Variants in MLLT10 observed in about 807,000 individuals in gnomAD.
The protein encoded by MLLT10 is protein AF-10.
A neutral mutation model predicts 129.1 loss-of-function variants in MLLT10; 30 were observed. That is an observed-to-expected ratio of 0.23 (90% confidence interval 0.17 to 0.32). MLLT10 has a LOEUF of 0.32. Among genes scored for constraint, MLLT10 ranks in the 10% least tolerant of loss-of-function variants. MLLT10 has a pLI of 1.00. For missense variants in MLLT10, 1,119 were observed against 1,268.3 expected, an observed-to-expected ratio of 0.88 and a Z score of 1.79; for synonymous variants, 490 against 446.4, an observed-to-expected ratio of 1.10 and a Z score of -1.23.
At chr10:21,535,127 CG>C (rs2033675034) in intron 2 of MLLT10, among the ~76,000 whole-genome samples, 1 of 74,166 alleles carries the variant, frequency 1.3e-5, no homozygotes, top group East Asian at 9.6e-4. Flanking sequence ...GGGGTGGGGG[CG>C]GGGGCGGGGG....
At chr10:21,678,269 TA>T (rs2052391563) in intron 11 of MLLT10, among the ~76,000 whole-genome samples, 3 of 152,050 alleles carry the variant, frequency 2.0e-5, no homozygotes. Context: ...CACACTCAGC[TA>T]ATTTTTGTAT....
At chr10:21,668,986 T>A in intron 9 of MLLT10, 5 of 1,368,422 alleles carry the variant, frequency 3.7e-6, no homozygotes, top group Non-Finnish European at 4.8e-6. Flanking sequence ...GAAAAAGTAT[T>A]TGAAAAATGA....
Position 21,673,337 on chromosome 10 carries a change from TTTTA to T in MLLT10, c.1052-12_1052-9del. ...CCCCAACTTTTTTTTTTTTTTTTTT[TTTTA>T]AACTACAGGCAGTTTTTCAGGAACT... is the stretch of plus-strand genomic sequence containing the variant. On this transcript the variant is annotated splice_polypyrimidine_tract_variant and intron_variant, in intron 10 of 22. Coordinates refer to ENST00000307729, the MANE Select transcript of MLLT10 (RefSeq NM_001195626.3). 9.5e-7 allele frequency: 1 copy of T among 1,053,592 alleles called. No individual in the cohort carries two copies. 65.3% of individuals were successfully genotyped at this position (1,053,592 alleles called of 1,614,324 possible). A position where few individuals can be genotyped will look rare whatever the true frequency, so the allele number is the denominator to read the frequency against.
In MLLT10 at chr10:21,624,641, T is replaced by C. The variant is rs1564529514; in HGVS notation, c.699+7434T>C. On this transcript the variant is annotated intron_variant, in intron 8 of 22. Transcript: ENST00000307729. Reference sequence around the variant, plus strand: ...CTGATAAAATTCCTGGTTGTCATTATTGTAACCATAGTTACCAGAATAGTC... The same window carrying C: ...CTGATAAAATTCCTGGTTGTCATTACTGTAACCATAGTTACCAGAATAGTC... 5.4e-6 allele frequency: 8 copies of C among 1,468,406 alleles called. No individual in the cohort carries two copies. In the East Asian group the frequency reaches 1.4e-4, roughly 26 times the overall value. The allele number at this position is 1,468,406 out of a possible 1,614,324, so 91.0% of individuals were successfully genotyped here. A position where few individuals can be genotyped will look rare whatever the true frequency, so the allele number is the denominator to read the frequency against.
intron 9 of MLLT10, among the ~76,000 whole-genome samples, chr10:21,655,249 A>T (rs2049448515): frequency 6.6e-6 from 1 of 152,202 alleles, no homozygotes; most frequent in South Asian, 2.1e-4. Flanking sequence ...TAAGAAGTAA[A>T]ATAACAGTAG....
intron 8 of MLLT10, among the ~76,000 whole-genome samples, chr10:21,622,397 C>T (rs983195956): frequency 6.6e-6 from 1 of 151,028 alleles, no homozygotes; most frequent in Non-Finnish European, 1.5e-5. Context: ...CTAACACCTG[C>T]GTAGAAGCAA....
chr10:21,635,284 C>T lies in MLLT10; in HGVS notation c.700-16389C>T, dbSNP rs536412360. Among the ~76,000 whole-genome samples the T allele has an allele frequency of 2.0e-5, 3 of 152,158 alleles. No homozygotes were observed. In the South Asian group the frequency reaches 6.2e-4, roughly 31 times the overall value. On this transcript the variant is annotated intron_variant, in intron 8 of 22. Transcript: ENST00000307729. Reference sequence around the variant, plus strand: ...GGCCTTGTAACTCTTTTCCTTACCTCCTTGTATTTTGGGGTTGATGGTGAT... The same window carrying T: ...GGCCTTGTAACTCTTTTCCTTACCTTCTTGTATTTTGGGGTTGATGGTGAT...
At chr10:21,595,263 A>C in intron 4 of MLLT10, 68 bp from the exon 5 acceptor site, 2 of 1,158,240 alleles carry the variant, frequency 1.7e-6, no homozygotes, top group African/African-American at 1.5e-5. Context: ...GGATCTGTTA[A>C]GGAAGTTAAC....
chr10:21,698,691 A>G (rs746896376), intron 13 of MLLT10, among the ~76,000 whole-genome samples: 7 of 152,198 alleles, frequency 4.6e-5, no homozygotes, highest in Admixed American at 2.0e-4. Flanking sequence ...ATTCCTACCA[A>G]TAGTGTATAA....
intron 17 of MLLT10, among the ~76,000 whole-genome samples, chr10:21,731,645 A>G (rs1346042547): frequency 6.6e-6 from 1 of 152,194 alleles, no homozygotes; most frequent in Non-Finnish European, 1.5e-5. Flanking sequence ...TAATTATTGA[A>G]TTAAATCTAT....
intron 9 of MLLT10, among the ~76,000 whole-genome samples, chr10:21,661,176 A>G (rs770655452): frequency 5.9e-5 from 9 of 152,132 alleles, no homozygotes; most frequent in Admixed American, 2.0e-4. Context: ...TATGATTTCT[A>G]TTCTTTAAAA....
chr10:21,680,905 G>A (rs937847902), intron 11 of MLLT10, among the ~76,000 whole-genome samples: 18 of 151,504 alleles, frequency 1.2e-4, no homozygotes, highest in African/African-American at 3.6e-4. Flanking sequence ...CCAGTGAGCC[G>A]AGCTTGCGCC....
chr10:21,694,933 A>T (rs1340667007), intron 13 of MLLT10, among the ~76,000 whole-genome samples: 3 of 152,068 alleles, frequency 2.0e-5, no homozygotes, highest in African/African-American at 7.2e-5. Context: ...GACCTTGCAC[A>T]TGCCCCTGCG....
chr10:21,648,614 T>C (rs576075782), intron 8 of MLLT10, among the ~76,000 whole-genome samples: 5 of 152,340 alleles, frequency 3.3e-5, no homozygotes, highest in African/African-American at 1.2e-4. Flanking sequence ...AACATTGATA[T>C]AACACTTAAA....
chr10:21,583,938 C>T (rs754711232), intron 3 of MLLT10, among the ~76,000 whole-genome samples: 54 of 151,806 alleles, frequency 3.6e-4, no homozygotes, highest in African/African-American at 6.3e-4. Flanking sequence ...GACGCGATCT[C>T]GGCTCACTGC....
At chr10:21,674,478 T>G (rs2051858801) in intron 11 of MLLT10, among the ~76,000 whole-genome samples, 1 of 152,206 alleles carries the variant, frequency 6.6e-6, no homozygotes, top group South Asian at 2.1e-4. Context: ...TGAAATGATT[T>G]AATTGTGTTT....
chr10:21,657,171 C>A (rs2049675023), intron 9 of MLLT10, among the ~76,000 whole-genome samples: 1 of 152,036 alleles, frequency 6.6e-6, no homozygotes, highest in Non-Finnish European at 1.5e-5. Context: ...GTGGGTGGAT[C>A]ATTTGAGGCC....
At chr10:21,556,734 GAT>G in intron 3 of MLLT10, 1 of 1,611,536 alleles carries the variant, frequency 6.2e-7, no homozygotes, top group Non-Finnish European at 8.5e-7. Context: ...CCCCACCCCC[GAT>G]GCCTGGTGTC....
At chr10:21,624,138 C>A (rs576431303) in intron 8 of MLLT10, among the ~76,000 whole-genome samples, 1 of 152,264 alleles carries the variant, frequency 6.6e-6, no homozygotes, top group African/African-American at 2.4e-5. Flanking sequence ...AGGTTATTTT[C>A]AGTATAAGAA....
Sources: allele counts gnomAD v4.1 joint callset (sites outside exome capture counted in the v4.1 genomes callset), GRCh38; gene constraint gnomAD v4.1.1; transcripts MANE v1.5; gene names NCBI Gene and HGNC (gene_info 2026-07-23, HGNC 2026-07-21).